Variants in CELF4 observed in about 807,000 individuals in gnomAD.
CELF4 encodes the protein CUG-BP- and ETR-3-like factor 4.
In CELF4, 18 loss-of-function variants were observed where a neutral mutation model predicts 59.9. That is an observed-to-expected ratio of 0.30 (90% CI 0.21 to 0.45). The LOEUF is 0.45. Ranked by LOEUF, CELF4 falls within the 20% of genes least tolerant of loss-of-function variation. The pLI is 1.00. For missense variants in CELF4, 456 were observed against 689.0 expected (o/e 0.66, Z 3.79); for synonymous variants, 261 against 267.1 (o/e 0.98, Z 0.22).
intron 1 of CELF4, among the ~76,000 whole-genome samples, chr18:37,552,928 C>T (rs1426023214): frequency 2.0e-5 from 3 of 152,184 alleles, no homozygotes; most frequent in African/African-American, 7.2e-5. Context: ...ACGTGGTCTG[C>T]CCAGTAGTCA....
At chr18:37,518,161 A>G (rs371866146) in intron 1 of CELF4, among the ~76,000 whole-genome samples, 25 of 152,254 alleles carry the variant, frequency 1.6e-4, no homozygotes, top group African/African-American at 6.0e-4. Context: ...TGTGGCCCCC[A>G]GGGGACACCC....
chr18:37,476,389 C>G (rs184659374), intron 2 of CELF4, among the ~76,000 whole-genome samples: 1 of 152,336 alleles, frequency 6.6e-6, no homozygotes, highest in African/African-American at 2.4e-5. Context: ...ATGGCGCCCC[C>G]TGGTGGGCTC....
At chr18:37,517,503 ACT>A (rs2099952069) in intron 1 of CELF4, among the ~76,000 whole-genome samples, 1 of 151,700 alleles carries the variant, frequency 6.6e-6, no homozygotes, top group Non-Finnish European at 1.5e-5. Context: ...TCCCTCTGTC[ACT>A]CTCCTCTTAC....
intron 2 of CELF4, among the ~76,000 whole-genome samples, chr18:37,445,580 G>T (rs568526730): frequency 1.2e-4 from 19 of 152,200 alleles, no homozygotes; most frequent in Non-Finnish European, 2.4e-4. Context: ...AGCAGAGGAG[G>T]GGGGAGCAGG....
chr18:37,496,532 A>AT (rs905648419), intron 1 of CELF4, among the ~76,000 whole-genome samples: 2 of 152,182 alleles, frequency 1.3e-5, no homozygotes, highest in East Asian at 1.9e-4. Flanking sequence ...ACAACAATAA[A>AT]TTTTTTTTAA....
intron 1 of CELF4, among the ~76,000 whole-genome samples, chr18:37,552,379 A>T (rs575688737): frequency 6.6e-6 from 1 of 152,206 alleles, no homozygotes; most frequent in South Asian, 2.1e-4. Context: ...ACAGCCTATA[A>T]TTTCCTACCC....
intron 1 of CELF4, among the ~76,000 whole-genome samples, chr18:37,543,659 C>T (rs1268140909): frequency 2.0e-5 from 3 of 152,382 alleles, no homozygotes; most frequent in African/African-American, 7.2e-5. Flanking sequence ...AAAACCTTCA[C>T]AGTCATTATC....
chr18:37,516,967 G>A (rs1331940533), intron 1 of CELF4, among the ~76,000 whole-genome samples: 1 of 152,212 alleles, frequency 6.6e-6, no homozygotes, highest in African/African-American at 2.4e-5. Context: ...TCTGCAGACT[G>A]GGAAGCCCTG....
At chr18:37,413,000 C>T (rs181993888) in intron 2 of CELF4, among the ~76,000 whole-genome samples, 1 of 152,186 alleles carries the variant, frequency 6.6e-6, no homozygotes. Flanking sequence ...GGCAGAGGGG[C>T]TCCCCTCCCC....
At chr18:37,533,676 TAAC>T (rs1569569784) in intron 1 of CELF4, among the ~76,000 whole-genome samples, 1 of 152,154 alleles carries the variant, frequency 6.6e-6, no homozygotes, top group Non-Finnish European at 1.5e-5. Context: ...AAGAAGATAA[TAAC>T]AATTTGCATT....
chr18:37,275,317 G>C, intron 3 of CELF4, 74 bp from the exon 4 acceptor site: 2 of 1,487,586 alleles, frequency 1.3e-6, no homozygotes, highest in Non-Finnish European at 1.8e-6. Context: ...GCCGGAGGGG[G>C]AGAGCGGCAG....
At chr18:37,479,671 C>T (rs527997068) in intron 2 of CELF4, among the ~76,000 whole-genome samples, 56 of 152,292 alleles carry the variant, frequency 3.7e-4, no homozygotes, top group African/African-American at 1.3e-3. Flanking sequence ...ATGACTCAGA[C>T]ACTATTGTAG....
At chr18:37,428,407 G>A (rs746260537) in intron 2 of CELF4, among the ~76,000 whole-genome samples, 1 of 152,142 alleles carries the variant, frequency 6.6e-6, no homozygotes. Context: ...TCACATTCCT[G>A]CTCTGGGTCT....
At chr18:37,258,918 A>G in intron 11 of CELF4, 1 of 538,698 alleles carries the variant, frequency 1.9e-6, no homozygotes, top group South Asian at 2.9e-5. Flanking sequence ...GGAGATGGGG[A>G]GCCAGGTTGT....
Position 37,565,737 on chromosome 18 carries a change from A to C in CELF4, c.-96T>G. On this transcript the variant is annotated 5_prime_UTR_variant, in exon 1 of 13. Coordinates refer to ENST00000420428, the MANE Select transcript of CELF4 (RefSeq NM_020180.4). Reference sequence around the variant, plus strand: ...CTCACACACGCACACGCATACACACACTCGGGTTCTCTCCCCCTCGGTTTC... The same window carrying C: ...CTCACACACGCACACGCATACACACCCTCGGGTTCTCTCCCCCTCGGTTTC... 4 of 989,490 alleles carry C rather than the reference A, an allele frequency of 4.0e-6. No homozygotes were observed. The highest frequency in any genetic ancestry group is 2.8e-6 in the Non-Finnish European group (2 of 717,854). The allele number at this position is 989,490 out of a possible 1,614,324, so 61.3% of individuals were successfully genotyped here.
intron 3 of CELF4, among the ~76,000 whole-genome samples, chr18:37,320,127 G>A (rs567869616): frequency 5.9e-5 from 9 of 152,180 alleles, no homozygotes; most frequent in East Asian, 1.9e-4. Flanking sequence ...CACAAGGTCC[G>A]GAGATTGAGA....
At chr18:37,521,755 G>A (rs1180388183) in intron 1 of CELF4, among the ~76,000 whole-genome samples, 2 of 152,180 alleles carry the variant, frequency 1.3e-5, no homozygotes, top group Non-Finnish European at 2.9e-5. Context: ...CTTTTGCAGC[G>A]GTGACCCTGG....
intron 2 of CELF4, among the ~76,000 whole-genome samples, chr18:37,373,097 C>A (rs958024250): frequency 2.6e-5 from 4 of 152,230 alleles, no homozygotes; most frequent in Admixed American, 2.0e-4. Flanking sequence ...AGATGAGACA[C>A]CAAGGCAAGC....
At chr18:37,343,642 G>A (rs1018016912) in intron 2 of CELF4, among the ~76,000 whole-genome samples, 6 of 152,000 alleles carry the variant, frequency 3.9e-5, no homozygotes, top group Non-Finnish European at 8.8e-5. Context: ...TGCAGGAAGG[G>A]ACTGCCTGAC....
Sources: gnomAD v4.1 joint callset for allele counts (sites outside exome capture counted in the v4.1 genomes callset) on GRCh38, gnomAD v4.1.1 for gene constraint, MANE v1.5 for transcripts, NCBI Gene and HGNC (gene_info 2026-07-23, HGNC 2026-07-21) for gene names.